Variants in STK39 observed in about 807,000 individuals in gnomAD.
STK39 encodes the protein serine/threonine kinase 39.
In STK39, 20 loss-of-function variants were observed where a neutral mutation model predicts 77.8. That is an observed-to-expected ratio of 0.26 (90% CI 0.18 to 0.37). The LOEUF is 0.37. Among genes scored for constraint, STK39 ranks in the 10% least tolerant of loss-of-function variants. The probability of loss-of-function intolerance (pLI) is 1.00; values close to 1 mark genes in which losing one functional copy is unlikely to be tolerated. For synonymous variants in STK39, 246 were observed against 234.1 expected (o/e 1.05, Z -0.47); for missense variants, 479 against 656.5 (o/e 0.73, Z 2.95).
chr2:168,236,929 C>T (rs1336774656), intron 1 of STK39, among the ~76,000 whole-genome samples: 6 of 152,122 alleles, frequency 3.9e-5, no homozygotes, highest in South Asian at 2.1e-4. Flanking sequence ...CTTGGCAATG[C>T]GGGCTTTTTG....
chr2:168,140,967 A>G (rs909738840), intron 5 of STK39, among the ~76,000 whole-genome samples: 10 of 152,188 alleles, frequency 6.6e-5, no homozygotes, highest in South Asian at 6.2e-4. Flanking sequence ...GTAATGGGCC[A>G]CAAGCCTGCC....
chr2:168,021,696 A>C (rs1056289938), intron 14 of STK39, among the ~76,000 whole-genome samples: 2 of 152,182 alleles, frequency 1.3e-5, no homozygotes. Context: ...TTTTAATCTT[A>C]AAATAAAAAC....
chr2:168,168,253 A>T (rs4668038), intron 2 of STK39, among the ~76,000 whole-genome samples: 41,178 of 152,026 alleles, frequency 0.27, 6,363 homozygotes, highest in East Asian at 0.56. Context: ...ATAAAACAAA[A>T]GGAAACTTTC....
chr2:168,101,568 T>TG (rs1686827286), intron 10 of STK39, among the ~76,000 whole-genome samples: 1 of 151,896 alleles, frequency 6.6e-6, no homozygotes, highest in Non-Finnish European at 1.5e-5. Context: ...TGAAACCCCA[T>TG]CTCTACTAAA....
chr2:167,996,210 T>C (rs572592510), intron 16 of STK39, among the ~76,000 whole-genome samples: 14 of 152,356 alleles, frequency 9.2e-5, no homozygotes, highest in African/African-American at 3.4e-4. Flanking sequence ...TCTCGTGATG[T>C]AGGGCCAAGA....
chr2:168,001,504 A>G (rs1476070330), intron 16 of STK39, among the ~76,000 whole-genome samples: 1 of 125,860 alleles, frequency 7.9e-6, no homozygotes, highest in African/African-American at 2.9e-5. Flanking sequence ...GATTGGCAAG[A>G]AAGTCCTCTT....
At chr2:168,171,766 C>A (rs1354885008) in intron 2 of STK39, among the ~76,000 whole-genome samples, 2 of 152,072 alleles carry the variant, frequency 1.3e-5, no homozygotes, top group African/African-American at 2.4e-5. Context: ...GAAATTACAG[C>A]TGTGAGCCAC....
intron 14 of STK39, among the ~76,000 whole-genome samples, chr2:168,049,843 G>A (rs1685348040): frequency 6.6e-6 from 1 of 152,152 alleles, no homozygotes; most frequent in African/African-American, 2.4e-5. Context: ...TGTGTAAGGT[G>A]GCATTGTTTG....
At chr2:168,024,954 G>A (rs764903910) in intron 14 of STK39, among the ~76,000 whole-genome samples, 3 of 152,248 alleles carry the variant, frequency 2.0e-5, no homozygotes, top group African/African-American at 2.4e-5. Context: ...TCCCTTACCC[G>A]CCTACTGGGT....
intron 16 of STK39, among the ~76,000 whole-genome samples, chr2:167,995,780 C>T (rs1434958981): frequency 6.6e-6 from 1 of 152,162 alleles, no homozygotes; most frequent in East Asian, 1.9e-4. Context: ...AGTAATTCAA[C>T]AATGAACAGG....
At chr2:167,977,091 A>C (rs541116702) in intron 16 of STK39, among the ~76,000 whole-genome samples, 103 of 152,336 alleles carry the variant, frequency 6.8e-4, no homozygotes, top group African/African-American at 1.9e-3. Flanking sequence ...TTCTCCTTAC[A>C]GTTCAGGTAA....
intron 12 of STK39, among the ~76,000 whole-genome samples, chr2:168,074,287 T>C (rs1341704443): frequency 6.6e-6 from 1 of 152,256 alleles, no homozygotes; most frequent in Admixed American, 6.5e-5. Flanking sequence ...AAGGTATACA[T>C]TAATTACTAG....
chr2:168,232,605 A>G (rs1294976041), intron 1 of STK39, among the ~76,000 whole-genome samples: 1 of 152,152 alleles, frequency 6.6e-6, no homozygotes, highest in Non-Finnish European at 1.5e-5. Context: ...TCTATTTCCA[A>G]TGGGCTTTAA....
chr2:168,232,981 CA>C (rs1690499057), intron 1 of STK39, among the ~76,000 whole-genome samples: 2 of 151,930 alleles, frequency 1.3e-5, no homozygotes, highest in South Asian at 4.1e-4. Flanking sequence ...AAGACAATCA[CA>C]AAAACGGCTA....
chr2:168,176,296 T>TC (rs1044627043), intron 2 of STK39, among the ~76,000 whole-genome samples: 4 of 150,558 alleles, frequency 2.7e-5, no homozygotes, highest in South Asian at 2.1e-4. Flanking sequence ...TGAGAGTTTC[T>TC]CCCCCCCTTA....
chr2:168,170,873 C>T (rs1051053112), intron 2 of STK39, among the ~76,000 whole-genome samples: 3 of 151,998 alleles, frequency 2.0e-5, no homozygotes, highest in African/African-American at 7.3e-5. Context: ...TTCACAAGGA[C>T]AGAAAAGGGT....
intron 14 of STK39, among the ~76,000 whole-genome samples, chr2:168,044,844 T>C (rs1685198199): frequency 6.6e-6 from 1 of 152,122 alleles, no homozygotes; most frequent in Non-Finnish European, 1.5e-5. Flanking sequence ...CAACCAACCA[T>C]GACTAAGGGC....
chr2:168,206,961 A>T (rs190282450), intron 1 of STK39, among the ~76,000 whole-genome samples: 1 of 152,322 alleles, frequency 6.6e-6, no homozygotes, highest in Admixed American at 6.5e-5. Flanking sequence ...ATATGAACAC[A>T]ACTCCAGGTA....
intron 1 of STK39, chr2:168,231,783 G>T: frequency 4.9e-6 from 1 of 202,110 alleles, no homozygotes; most frequent in East Asian, 1.2e-4. Flanking sequence ...GGGAGAGGAG[G>T]GGTGGCAAAG....
Sources: gnomAD v4.1 joint callset for allele counts (sites outside exome capture counted in the v4.1 genomes callset) on GRCh38, gnomAD v4.1.1 for gene constraint, MANE v1.5 for transcripts, NCBI Gene and HGNC (gene_info 2026-07-23, HGNC 2026-07-21) for gene names.